ANXA4: variants seen among roughly 807,000 people sequenced by gnomAD.
ANXA4 encodes 35-beta calcimedin.
A neutral mutation model predicts 49.8 loss-of-function variants in ANXA4; 39 were observed. The observed-to-expected ratio is 0.78, with a 90% CI of 0.61 to 1.02. The LOEUF is 1.02. ANXA4 is among the 50% of genes least tolerant of loss of function. The pLI is 0.00. For synonymous variants in ANXA4, 134 were observed against 152.5 expected (o/e 0.88, Z 0.89); for missense variants, 360 against 410.1 (o/e 0.88, Z 1.05).
chr2:69,669,265 CA>C (rs971809810), intron 2 of ANXA4, among the ~76,000 whole-genome samples: 3 of 151,382 alleles, frequency 2.0e-5, no homozygotes, highest in African/African-American at 7.3e-5. Flanking sequence ...CCATTTTTGT[CA>C]AACAATTTAT....
intron 2 of ANXA4, among the ~76,000 whole-genome samples, chr2:69,656,989 A>C (rs1676526751): frequency 6.6e-6 from 1 of 151,060 alleles, no homozygotes; most frequent in Non-Finnish European, 1.5e-5. Context: ...TGATATAATC[A>C]CTATATTCAT....
intron 3 of ANXA4, among the ~76,000 whole-genome samples, chr2:69,793,690 G>A (rs572241908): frequency 1.3e-5 from 2 of 152,202 alleles, no homozygotes; most frequent in East Asian, 3.9e-4. Flanking sequence ...GATTTTGAGA[G>A]GTATTTATTC....
At chr2:69,651,500 G>C (rs2105303491) in intron 1 of ANXA4, among the ~76,000 whole-genome samples, 1 of 151,212 alleles carries the variant, frequency 6.6e-6, no homozygotes, top group East Asian at 1.9e-4. Context: ...CATTTGTCTT[G>C]TTGTTGTTGT....
intron 2 of ANXA4, among the ~76,000 whole-genome samples, chr2:69,691,867 C>T (rs1168814134): frequency 6.6e-6 from 1 of 152,098 alleles, no homozygotes; most frequent in Non-Finnish European, 1.5e-5. Context: ...TATTCAGTAA[C>T]TTCAGGTTTT....
chr2:69,773,872 C>T (rs376878539), intron 1 of ANXA4, among the ~76,000 whole-genome samples: 10 of 151,698 alleles, frequency 6.6e-5, no homozygotes, highest in African/African-American at 2.2e-4. Flanking sequence ...CCTCGTGATT[C>T]GCCTGCCTCG....
At position 69,731,977 on chromosome 2, in the gene ANXA4, TTTC is replaced by T. The variant is rs1372788778; in HGVS notation, n.864+11109_864+11111del. Among the ~76,000 whole-genome samples the T allele has an allele frequency of 2.1e-3, 211 of 98,656 alleles. 4 individuals are homozygous for T. The highest frequency in any genetic ancestry group is 0.014 in the African/African-American group (206 of 15,170). The allele number at this position is 98,656 out of a possible 152,430, so 64.7% of individuals were successfully genotyped here. A position where few individuals can be genotyped will look rare whatever the true frequency, so the allele number is the denominator to read the frequency against. On this transcript the variant is annotated intron_variant and non_coding_transcript_variant, in intron 3 of 3. Transcript: ENST00000418066. ...TATTTCTTAGTTACATTTTCTTTTC[TTTC>T]TTTTTTTTTTTTTTTTTTGAGATGG...
chr2:69,715,018 A>G (rs1247916182), intron 2 of ANXA4, among the ~76,000 whole-genome samples: 6 of 152,208 alleles, frequency 3.9e-5, no homozygotes, highest in African/African-American at 7.2e-5. Context: ...AGTATCATAA[A>G]GCCAAGATTG....
At chr2:69,682,437 A>G (rs1248006814) in intron 2 of ANXA4, among the ~76,000 whole-genome samples, 5 of 152,202 alleles carry the variant, frequency 3.3e-5, no homozygotes, top group African/African-American at 1.2e-4. Flanking sequence ...TTAATGGTTC[A>G]GTAATAATAA....
chr2:69,793,101 A>T (rs1235260495), intron 3 of ANXA4, among the ~76,000 whole-genome samples: 1 of 151,972 alleles, frequency 6.6e-6, no homozygotes, highest in Non-Finnish European at 1.5e-5. Context: ...AAAATGCAAA[A>T]ATTAGATGGA....
intron 1 of ANXA4, among the ~76,000 whole-genome samples, chr2:69,648,995 C>T (rs1198090223): frequency 6.7e-6 from 1 of 150,170 alleles, no homozygotes; most frequent in African/African-American, 2.4e-5. Flanking sequence ...AAGCGATTCT[C>T]CTGCCTCAGC....
intron 8 of ANXA4, among the ~76,000 whole-genome samples, chr2:69,813,159 C>G (rs1673783416): frequency 1.3e-5 from 2 of 152,290 alleles, no homozygotes; most frequent in East Asian, 3.9e-4. Flanking sequence ...CTGGAACCAA[C>G]CCATGGTCTA....
At chr2:69,753,676 G>A (rs932305996) in intron 1 of ANXA4, among the ~76,000 whole-genome samples, 1 of 152,186 alleles carries the variant, frequency 6.6e-6, no homozygotes, top group African/African-American at 2.4e-5. Flanking sequence ...GGTCAGAAGT[G>A]GGTCACATGG....
At chr2:69,787,918 A>C in intron 2 of ANXA4, 136 bp from the exon 3 acceptor site, 1 of 685,710 alleles carries the variant, frequency 1.5e-6, no homozygotes, top group East Asian at 2.8e-5. Context: ...TTAATTTTTC[A>C]TGGTCACTAC....
chr2:69,806,276 G>T, intron 4 of ANXA4, 109 bp from the exon 5 acceptor site: 1 of 695,104 alleles, frequency 1.4e-6, no homozygotes. Context: ...TTGACTTGCA[G>T]GCCCCTTGAA....
chr2:69,669,292 G>T (rs977350954), intron 2 of ANXA4, among the ~76,000 whole-genome samples: 1 of 151,730 alleles, frequency 6.6e-6, no homozygotes, highest in Non-Finnish European at 1.5e-5. Context: ...GTATAAGGGT[G>T]TAACCAAACA....
chr2:69,682,091 A>G (rs561449328), intron 2 of ANXA4, among the ~76,000 whole-genome samples: 2 of 151,998 alleles, frequency 1.3e-5, no homozygotes, highest in Non-Finnish European at 2.9e-5. Flanking sequence ...GGCTCAAGCC[A>G]TCCTCCTGAT....
chr2:69,799,726 C>T (rs576407310), intron 3 of ANXA4, among the ~76,000 whole-genome samples: 1 of 152,284 alleles, frequency 6.6e-6, no homozygotes, highest in South Asian at 2.1e-4. Context: ...CTAGCCTCTG[C>T]CCCCAAGACC....
At chr2:69,740,680 CTT>C (rs3077548), upstream of ANXA4, among the ~76,000 whole-genome samples, 46 of 75,750 alleles carry the variant, frequency 6.1e-4, no homozygotes, top group African/African-American at 2.4e-3. Flanking sequence ...CTTTCTTCCT[CTT>C]TTTTTTTTTT....
intron 2 of ANXA4, among the ~76,000 whole-genome samples, chr2:69,667,421 C>G (rs1268164207): frequency 1.3e-5 from 2 of 151,098 alleles, no homozygotes; most frequent in South Asian, 2.1e-4. Context: ...ATGTGCCACA[C>G]TCAAACCTTG....
Sources: gnomAD v4.1 joint callset for allele counts (sites outside exome capture counted in the v4.1 genomes callset) on GRCh38, gnomAD v4.1.1 for gene constraint, MANE v1.5 for transcripts, NCBI Gene and HGNC (gene_info 2026-07-23, HGNC 2026-07-21) for gene names.